The following ARHGAP26 variants were observed in gnomAD, a reference collection of about 807,000 sequenced individuals.
The protein encoded by ARHGAP26 is rho GTPase-activating protein 26.
In ARHGAP26, 38 loss-of-function variants were observed where a neutral mutation model predicts 104.8. That is an observed-to-expected ratio of 0.36 (90% CI 0.28 to 0.48). The LOEUF is 0.48. Ranked by LOEUF, ARHGAP26 falls within the 20% of genes least tolerant of loss-of-function variation. The pLI is 0.99. For missense variants in ARHGAP26, 704 were observed against 947.9 expected (o/e 0.74, Z 3.38); for synonymous variants, 341 against 340.0 (o/e 1.00, Z -0.03).
At chr5:143,140,955 T>C (rs1455224610) in intron 19 of ARHGAP26, among the ~76,000 whole-genome samples, 1 of 152,216 alleles carries the variant, frequency 6.6e-6, no homozygotes, top group East Asian at 1.9e-4. Context: ...GAATTCATAC[T>C]ATTCAAAGGC....
intron 12 of ARHGAP26, among the ~76,000 whole-genome samples, chr5:143,022,968 A>T (rs189459253): frequency 1.2e-3 from 186 of 152,300 alleles, no homozygotes; most frequent in Non-Finnish European, 1.9e-3. Flanking sequence ...TTTGTGGCTG[A>T]GGGGCCATCC....
chr5:143,130,062 A>G (rs757553575), intron 18 of ARHGAP26, among the ~76,000 whole-genome samples: 6 of 152,310 alleles, frequency 3.9e-5, no homozygotes, highest in Admixed American at 1.3e-4. Context: ...TGTCAGCGTC[A>G]GTGATGGTGA....
At chr5:143,131,972 G>A (rs1382471833) in intron 18 of ARHGAP26, among the ~76,000 whole-genome samples, 2 of 152,162 alleles carry the variant, frequency 1.3e-5, no homozygotes, top group African/African-American at 2.4e-5. Context: ...TATAGCACTG[G>A]TAAACTTGTT....
At chr5:143,084,507 A>G (rs1386231766) in intron 17 of ARHGAP26, among the ~76,000 whole-genome samples, 1 of 152,208 alleles carries the variant, frequency 6.6e-6, no homozygotes, top group Non-Finnish European at 1.5e-5. Context: ...GAGTTTCCAC[A>G]GATTTGGAGG....
At chr5:142,942,724 T>C (rs1373837150) in intron 11 of ARHGAP26, among the ~76,000 whole-genome samples, 1 of 152,230 alleles carries the variant, frequency 6.6e-6, no homozygotes, top group Non-Finnish European at 1.5e-5. Flanking sequence ...CATTGATTAG[T>C]GGGACTATTT....
chr5:143,211,868 C>T (rs942755594), intron 21 of ARHGAP26, among the ~76,000 whole-genome samples: 2 of 152,096 alleles, frequency 1.3e-5, no homozygotes, highest in African/African-American at 4.8e-5. Context: ...TATTTTTTAA[C>T]GTACTATGTT....
chr5:143,063,432 T>C (rs1463230135), intron 17 of ARHGAP26, among the ~76,000 whole-genome samples: 12 of 152,256 alleles, frequency 7.9e-5, no homozygotes, highest in Non-Finnish European at 1.8e-4. Context: ...GTGATTCCCC[T>C]GCTTAAAAAA....
intron 12 of ARHGAP26, among the ~76,000 whole-genome samples, chr5:143,015,624 C>T (rs1779482830): frequency 6.6e-6 from 1 of 152,076 alleles, no homozygotes; most frequent in Non-Finnish European, 1.5e-5. Flanking sequence ...CCATCAGGAC[C>T]AGAGGGGATG....
intron 1 of ARHGAP26, among the ~76,000 whole-genome samples, chr5:142,802,833 G>C (rs1762323298): frequency 1.3e-5 from 2 of 152,176 alleles, no homozygotes; most frequent in Non-Finnish European, 2.9e-5. Context: ...TTTAAATTAG[G>C]AGGCCCAAAC....
chr5:142,888,004 A>C (rs1427593253), intron 5 of ARHGAP26, among the ~76,000 whole-genome samples: 1 of 152,170 alleles, frequency 6.6e-6, no homozygotes, highest in Non-Finnish European at 1.5e-5. Context: ...ACAAACAAAA[A>C]AAAGAACAGT....
intron 17 of ARHGAP26, among the ~76,000 whole-genome samples, chr5:143,064,965 T>C (rs1341260807): frequency 1.3e-5 from 2 of 152,190 alleles, no homozygotes; most frequent in Non-Finnish European, 2.9e-5. Context: ...TCTTGTTTGT[T>C]TTGAGTTGTT....
chr5:142,958,924 A>AG (rs1562155959), intron 11 of ARHGAP26, among the ~76,000 whole-genome samples: 1 of 149,984 alleles, frequency 6.7e-6, no homozygotes, highest in Non-Finnish European at 1.5e-5. Flanking sequence ...AAAAAAGAAA[A>AG]AAAAAAAGAA....
At chr5:143,205,215 C>T (rs1340407902) in intron 20 of ARHGAP26, among the ~76,000 whole-genome samples, 1 of 152,032 alleles carries the variant, frequency 6.6e-6, no homozygotes, top group South Asian at 2.1e-4. Flanking sequence ...TTAAATCTGT[C>T]GCTTCTTGTC....
intron 11 of ARHGAP26, among the ~76,000 whole-genome samples, chr5:142,985,655 C>CT (rs1290947182): frequency 8.1e-6 from 1 of 123,502 alleles, no homozygotes; most frequent in Non-Finnish European, 1.7e-5. Flanking sequence ...TCCCTCCCCC[C>CT]TCCCCCCCAC....
At chr5:143,025,295 C>T (rs575765721) in intron 12 of ARHGAP26, among the ~76,000 whole-genome samples, 2 of 152,264 alleles carry the variant, frequency 1.3e-5, no homozygotes, top group East Asian at 1.9e-4. Flanking sequence ...AATCTTAGGC[C>T]TTTGATTCTG....
At chr5:143,043,703 G>A (rs979013081) in intron 14 of ARHGAP26, among the ~76,000 whole-genome samples, 26 of 152,186 alleles carry the variant, frequency 1.7e-4, no homozygotes, top group African/African-American at 6.0e-4. Flanking sequence ...GGTGTCTGCT[G>A]CTTAGAACAG....
chr5:143,119,519 T>TGC (rs1298172689), intron 17 of ARHGAP26, among the ~76,000 whole-genome samples: 7 of 152,206 alleles, frequency 4.6e-5, no homozygotes, highest in Non-Finnish European at 8.8e-5. Flanking sequence ...CCATCTGCAT[T>TGC]AACTTTGTCA....
Position 143,228,278 on chromosome 5 carries a change from C to A in ARHGAP26, c.*5832C>A, listed in dbSNP as rs1811818394. 4.5e-6 allele frequency: 1 copy of A among 224,178 alleles called. No homozygotes were observed. Among genetic ancestry groups the A allele is most frequent in the South Asian group, 1.8e-4 (1 of 5,444 alleles). The allele number at this position is 224,178 out of a possible 1,614,324, so 13.9% of individuals were successfully genotyped here. A position where few individuals can be genotyped will look rare whatever the true frequency, so the allele number is the denominator to read the frequency against. ...GTGTGTATACAGCACATATTTACAT[C>A]TATGAAGACATAGACACTTACAGAG... On this transcript the variant is annotated 3_prime_UTR_variant, in exon 23 of 23. Coordinates refer to ENST00000645722, the MANE Select transcript of ARHGAP26 (RefSeq NM_001135608.3).
At chr5:143,152,810 A>G (rs929436434) in intron 20 of ARHGAP26, among the ~76,000 whole-genome samples, 3 of 152,170 alleles carry the variant, frequency 2.0e-5, no homozygotes, top group African/African-American at 7.2e-5. Context: ...TGGAGAGAGA[A>G]GCCCAGCTAT....
Sources: gnomAD v4.1 joint callset for allele counts (sites outside exome capture counted in the v4.1 genomes callset) on GRCh38, gnomAD v4.1.1 for gene constraint, MANE v1.5 for transcripts, NCBI Gene and HGNC (gene_info 2026-07-23, HGNC 2026-07-21) for gene names.